Variants in RXRA observed in about 807,000 individuals in gnomAD.
The protein encoded by RXRA is retinoic acid receptor RXR-alpha.
RXRA carries 5 observed loss-of-function variants against 44.5 expected under a neutral mutation model. The ratio of observed to expected loss-of-function variants is 0.11; its 90% CI spans 0.06 to 0.24. The LOEUF (loss-of-function observed/expected upper bound fraction) is 0.24, where lower values mean the gene tolerates loss of function less well. RXRA is among the 10% of genes least tolerant of loss of function. RXRA has a pLI of 1.00. For synonymous variants in RXRA, 291 were observed against 271.4 expected, an observed-to-expected ratio of 1.07 and a Z score of -0.71; for missense variants, 412 against 646.5, an observed-to-expected ratio of 0.64 and a Z score of 3.93.
Position 134,342,749 on chromosome 9 carries a change from C to T in RXRA, c.28+16090C>T, listed in dbSNP as rs1830101348. On this transcript the variant is annotated intron_variant, in intron 1 of 9. Coordinates refer to ENST00000481739, the MANE Select transcript of RXRA (RefSeq NM_002957.6). The surrounding 1 kb of genome is among the most constrained non-coding windows in gnomAD (Gnocchi z 4.4). The stretch of plus-strand genomic sequence containing the variant: ...TGGTGGGTTTGGGGGAACCTGGCCC[C>T]ATAGGAGAGTGGACAGCGCCGCGGA... 2.0e-5 allele frequency among the ~76,000 whole-genome samples: 3 copies of T among 152,154 alleles called. No individual in the cohort carries two copies. Among genetic ancestry groups the T allele is most frequent in the Admixed American group, 2.0e-4 (3 of 15,282 alleles).
intron 1 of RXRA, among the ~76,000 whole-genome samples, chr9:134,382,550 ACCATGGG>A (rs1406995028): frequency 6.6e-6 from 1 of 152,100 alleles, no homozygotes; most frequent in African/African-American, 2.4e-5. Context: ...GGGACTGGAC[ACCATGGG>A]CCTCTGTGCA....
intron 1 of RXRA, among the ~76,000 whole-genome samples, chr9:134,328,156 G>T (rs1834945796): frequency 6.6e-6 from 1 of 152,108 alleles, no homozygotes; most frequent in African/African-American, 2.4e-5. Context: ...ACTCACACAT[G>T]TGCACACACA....
intron 1 of RXRA, among the ~76,000 whole-genome samples, chr9:134,392,624 G>A (rs1830817438): frequency 2.0e-5 from 3 of 152,180 alleles, no homozygotes; most frequent in South Asian, 4.1e-4. Context: ...GGATGGGTGG[G>A]TGACTCCGTC....
At chr9:134,369,466 G>A (rs1400402281) in intron 1 of RXRA, among the ~76,000 whole-genome samples, 1 of 123,848 alleles carries the variant, frequency 8.1e-6, no homozygotes, top group African/African-American at 3.1e-5. Context: ...TTGTGAGTGC[G>A]GGGGTTTTGT....
At chr9:134,372,437 A>G (rs1338244918) in intron 1 of RXRA, among the ~76,000 whole-genome samples, 1 of 152,032 alleles carries the variant, frequency 6.6e-6, no homozygotes, top group Admixed American at 6.5e-5. Flanking sequence ...TGGCTGGAGG[A>G]GGCCTGGCCC....
At chr9:134,350,596 G>A (rs1367783716) in intron 1 of RXRA, among the ~76,000 whole-genome samples, 1 of 152,214 alleles carries the variant, frequency 6.6e-6, no homozygotes, top group Non-Finnish European at 1.5e-5. Flanking sequence ...GCTGTGCCCT[G>A]TGCTGTGCTC....
In RXRA at chr9:134,439,227, GC is replaced by G. The variant is rs1332476691; in HGVS notation, c.*2616del. 1.3e-5 allele frequency: 2 copies of G among 152,206 alleles called. No homozygotes were observed. Among genetic ancestry groups the G allele is most frequent in the Non-Finnish European group, 2.9e-5 (2 of 68,046 alleles). 9.4% of individuals were successfully genotyped at this position (152,206 alleles called of 1,614,324 possible). On this transcript the variant is annotated 3_prime_UTR_variant, in exon 10 of 10. Coordinates refer to ENST00000481739, the MANE Select transcript of RXRA (RefSeq NM_002957.6). ...GCCACCTGTGCCTGTCCCCGCCTTG[GC>G]CCGGCTGGATGAAGCGGCTTCCCCG...
At chr9:134,329,632 G>A (rs981997306) in intron 1 of RXRA, among the ~76,000 whole-genome samples, 3 of 152,092 alleles carry the variant, frequency 2.0e-5, no homozygotes, top group Non-Finnish European at 2.9e-5. Flanking sequence ...AGGTTGAGCC[G>A]GCAGCCCTGG....
intron 1 of RXRA, among the ~76,000 whole-genome samples, chr9:134,328,301 C>T (rs1299341326): frequency 6.6e-6 from 1 of 152,166 alleles, no homozygotes; most frequent in Middle Eastern, 3.2e-3. Flanking sequence ...CCGAACAGGT[C>T]CCTGTTTCTA....
intron 1 of RXRA, among the ~76,000 whole-genome samples, chr9:134,348,804 C>T (rs1554749128): frequency 9.0e-6 from 1 of 111,296 alleles, no homozygotes; most frequent in East Asian, 2.3e-4. Context: ...TTCCCGGACG[C>T]TGGACGTCGA....
At chr9:134,345,611 C>T (rs782491384) in intron 1 of RXRA, among the ~76,000 whole-genome samples, 20 of 152,256 alleles carry the variant, frequency 1.3e-4, no homozygotes, top group South Asian at 8.3e-4. Context: ...CTGGTAGCCC[C>T]GGCAGAGGCT....
intron 1 of RXRA, among the ~76,000 whole-genome samples, chr9:134,379,056 G>C (rs1830600708): frequency 6.6e-6 from 1 of 152,200 alleles, no homozygotes; most frequent in Admixed American, 6.5e-5. Context: ...TGCAGCTCCT[G>C]CTGGGTCACT....
chr9:134,351,872 C>T (rs1026264202), intron 1 of RXRA, among the ~76,000 whole-genome samples: 3 of 152,174 alleles, frequency 2.0e-5, no homozygotes, highest in Admixed American at 1.3e-4. Flanking sequence ...GCGGCTCTGG[C>T]GGGGCGTGGG....
chr9:134,406,686 C>G (rs1195567376), intron 2 of RXRA, among the ~76,000 whole-genome samples: 1 of 152,212 alleles, frequency 6.6e-6, no homozygotes, highest in Non-Finnish European at 1.5e-5. Context: ...TGGACGAGCT[C>G]TGTCCCTCCA....
In RXRA at chr9:134,417,896, A is replaced by G. The variant is rs1831266594; in HGVS notation, c.780+569A>G. ...CCCTCCTGCCCCCTCCCACCCCAAC[A>G]GCCTCAAGGGGAGGAGGATTGGGTG... is the stretch of plus-strand genomic sequence containing the variant. On this transcript the variant is annotated intron_variant, in intron 5 of 9. Coordinates refer to ENST00000481739, the MANE Select transcript of RXRA (RefSeq NM_002957.6). This position sits in a 1 kb window ranked among gnomAD's most constrained non-coding sequence, Gnocchi z 6.1. 6.6e-6 allele frequency among the ~76,000 whole-genome samples: 1 copy of G among 151,478 alleles called. No individual in the cohort carries two copies. Among genetic ancestry groups the G allele is most frequent in the South Asian group, 2.1e-4 (1 of 4,792 alleles).
intron 1 of RXRA, among the ~76,000 whole-genome samples, chr9:134,337,589 A>G (rs1554747506): frequency 6.6e-6 from 1 of 152,064 alleles, no homozygotes; most frequent in African/African-American, 2.4e-5. Context: ...GGTACTGGAG[A>G]CAGAAGGGAC....
Position 134,436,689 on chromosome 9 carries a change from G to A in RXRA, c.*75G>A, listed in dbSNP as rs1831628133. Reference sequence around the variant, plus strand: ...ACGCCAGCTGTTCTTCTCAGCCTGAGCCCTGTCCCTGCCCTTCTCTGCCTG... The same window carrying A: ...ACGCCAGCTGTTCTTCTCAGCCTGAACCCTGTCCCTGCCCTTCTCTGCCTG... On this transcript the variant is annotated 3_prime_UTR_variant, in exon 10 of 10. Transcript: ENST00000481739. The A allele has an allele frequency of 1.5e-5, 24 of 1,568,944 alleles. No individual in the cohort carries two copies. Among genetic ancestry groups the A allele is most frequent in the Non-Finnish European group, 2.1e-5 (24 of 1,148,362 alleles).
chr9:134,371,094 A>C (rs1006456223), intron 1 of RXRA, among the ~76,000 whole-genome samples: 13 of 152,086 alleles, frequency 8.5e-5, no homozygotes, highest in African/African-American at 3.1e-4. Flanking sequence ...CACGCTCAAG[A>C]GAGTGCCCTG....
At chr9:134,380,848 G>T (rs1214329291) in intron 1 of RXRA, among the ~76,000 whole-genome samples, 1 of 152,160 alleles carries the variant, frequency 6.6e-6, no homozygotes, top group African/African-American at 2.4e-5. Flanking sequence ...GCTTTGAGCT[G>T]CAGGCAGACG....
Sources: allele counts gnomAD v4.1 joint callset (sites outside exome capture counted in the v4.1 genomes callset), GRCh38; gene constraint gnomAD v4.1.1; non-coding constraint Gnocchi (gnomAD v3.1); transcripts MANE v1.5; gene names NCBI Gene and HGNC (gene_info 2026-07-23, HGNC 2026-07-21).